Variants in ABCA4 observed in about 807,000 individuals in gnomAD.
The protein encoded by ABCA4 is ATP binding cassette subfamily A member 4.
A neutral mutation model predicts 263.7 loss-of-function variants in ABCA4; 196 were observed. The observed-to-expected ratio is 0.74, with a 90% CI of 0.66 to 0.84. ABCA4 has a LOEUF of 0.84. Among genes scored for constraint, ABCA4 ranks in the 40% least tolerant of loss-of-function variants. The pLI, the probability that ABCA4 is intolerant of heterozygous loss-of-function variation, is 0.00. For synonymous variants in ABCA4, 1,133 were observed against 1,094.2 expected, an observed-to-expected ratio of 1.04 and a Z score of -0.70; for missense variants, 2,792 against 2,855.1, an observed-to-expected ratio of 0.98 and a Z score of 0.50.
chr1:93,997,812 G>A, intron 48 of ABCA4, 49 bp downstream of exon 48: 1 of 1,612,340 alleles, frequency 6.2e-7, no homozygotes. Flanking sequence ...CACACTGGGT[G>A]TTCTGGACCA....
chr1:94,048,726 A>T (rs1443711190), intron 18 of ABCA4, 142 bp downstream of exon 18: 1 of 785,312 alleles, frequency 1.3e-6, no homozygotes. Context: ...CTGAGAAGGG[A>T]TCTGGTTTAA....
intron 1 of ABCA4, among the ~76,000 whole-genome samples, chr1:94,119,590 C>T (rs1018435744): frequency 3.3e-5 from 5 of 152,170 alleles, no homozygotes; most frequent in Admixed American, 2.0e-4. Flanking sequence ...CCTCCCAAGT[C>T]CTAATGTCAG....
At chr1:94,019,560 G>T in intron 36 of ABCA4, 22 bp downstream of exon 36, 1 of 1,582,436 alleles carries the variant, frequency 6.3e-7, no homozygotes, top group Non-Finnish European at 8.6e-7. Flanking sequence ...AGGGGAGGGA[G>T]GCGCTGTAAA....
chr1:94,046,262 G>C (rs1024094354), intron 19 of ABCA4, among the ~76,000 whole-genome samples: 5 of 136,356 alleles, frequency 3.7e-5, no homozygotes, highest in African/African-American at 1.3e-4. Context: ...GGCCAACATG[G>C]TGAAACCCTG....
At chr1:94,086,570 G>A (rs1453912315) in intron 6 of ABCA4, among the ~76,000 whole-genome samples, 1 of 151,682 alleles carries the variant, frequency 6.6e-6, no homozygotes, top group Non-Finnish European at 1.5e-5. Flanking sequence ...AGACAACGAA[G>A]TAGTAGCTGT....
At chr1:94,023,266 T>A in intron 32 of ABCA4, 120 bp downstream of exon 32, 6 of 819,268 alleles carry the variant, frequency 7.3e-6, no homozygotes, top group Non-Finnish European at 1.2e-5. Context: ...TCTTGTGACT[T>A]CCTGAGCACC....
chr1:94,041,116 G>A lies in ABCA4; in HGVS notation c.3522+93C>T, dbSNP rs989354389. ...ACAAAGACACTGATTCTGGTGGCGA[G>A]AGCCTGTGTGAGTAGCCATGTCTGG... On this transcript the variant is annotated intron_variant, in intron 23 of 49. Transcript: ENST00000370225. The A allele has an allele frequency of 1.8e-5, 24 of 1,304,258 alleles. No homozygotes were observed. In the African/African-American group the frequency reaches 3.5e-4, roughly 19 times the overall value. The allele number at this position is 1,304,258 out of a possible 1,614,324, so 80.8% of individuals were successfully genotyped here. A position where few individuals can be genotyped will look rare whatever the true frequency, so the allele number is the denominator to read the frequency against.
At chr1:94,058,259 C>T (rs1000776016) in intron 14 of ABCA4, among the ~76,000 whole-genome samples, 6 of 152,324 alleles carry the variant, frequency 3.9e-5, no homozygotes, top group East Asian at 3.9e-4. Flanking sequence ...GTCACCCACA[C>T]GCAGCTCCAT....
At chr1:94,044,584 G>T (rs201952510) in intron 20 of ABCA4, 29 bp downstream of exon 20, 1 of 1,614,164 alleles carries the variant, frequency 6.2e-7, no homozygotes, top group Non-Finnish European at 8.5e-7. Flanking sequence ...GAGAGGGGAT[G>T]GGGCGGTCTC....
At chr1:93,998,986 A>T (rs1398787690) in intron 47 of ABCA4, among the ~76,000 whole-genome samples, 1 of 151,048 alleles carries the variant, frequency 6.6e-6, no homozygotes, top group Non-Finnish European at 1.5e-5. Flanking sequence ...CCTGACCTCA[A>T]GTGATCCGCC....
At chr1:94,016,613 G>T (rs1659754481) in intron 36 of ABCA4, among the ~76,000 whole-genome samples, 1 of 152,166 alleles carries the variant, frequency 6.6e-6, no homozygotes, top group Non-Finnish European at 1.5e-5. Context: ...CACTGTTGGA[G>T]AAGGGAGTTA....
At chr1:94,102,929 A>C in intron 5 of ABCA4, 86 bp downstream of exon 5, 3 of 1,577,312 alleles carry the variant, frequency 1.9e-6, no homozygotes, top group Non-Finnish European at 2.6e-6. Context: ...GGAAGAAAGA[A>C]GAAAAAAGCC....
chr1:94,046,445 G>GAA (rs1553191016), intron 19 of ABCA4, among the ~76,000 whole-genome samples: 5 of 16,472 alleles, frequency 3.0e-4, no homozygotes, highest in Non-Finnish European at 1.3e-3. Context: ...ATGGGTAATG[G>GAA]TTACTATCTC....
In ABCA4 at chr1:94,063,143, C is replaced by G; in HGVS notation, c.1729G>C (p.Val577Leu). Residue 577 changes from valine (V) to leucine (L), a missense_variant, in exon 12 of 50, where the codon GTG becomes CTG. Transcript: ENST00000370225. ...VKYKIRMDID[V>L]VEKTNKIKDR... Reference sequence around the variant, plus strand: ...TTAATCTTATTGGTTTTCTCCACCACGTCTATGTCCATTCGGATCTTATAC... The same window carrying G: ...TTAATCTTATTGGTTTTCTCCACCAGGTCTATGTCCATTCGGATCTTATAC... 6.2e-7 allele frequency: 1 copy of G among 1,614,124 alleles called. No individual in the cohort carries two copies. The highest frequency in any genetic ancestry group is 8.5e-7 in the Non-Finnish European group (1 of 1,180,024).
intron 11 of ABCA4, among the ~76,000 whole-genome samples, chr1:94,065,059 T>A (rs2101081878): frequency 6.6e-6 from 1 of 152,162 alleles, no homozygotes; most frequent in African/African-American, 2.4e-5. Flanking sequence ...AAACTGAGCT[T>A]TATAAAGTAT....
chr1:94,044,208 G>GA (rs1389550531), intron 20 of ABCA4, among the ~76,000 whole-genome samples: 1 of 151,674 alleles, frequency 6.6e-6, no homozygotes, highest in African/African-American at 2.4e-5. Context: ...TCTTATTGGG[G>GA]AAAAAAAGTA....
At chr1:94,077,092 A>C (rs1000177041) in intron 11 of ABCA4, among the ~76,000 whole-genome samples, 1 of 152,222 alleles carries the variant, frequency 6.6e-6, no homozygotes, top group Non-Finnish European at 1.5e-5. Flanking sequence ...GTGTAAAAGC[A>C]GTTGGCACAG....
intron 21 of ABCA4, among the ~76,000 whole-genome samples, 195 bp from the exon 22 acceptor site, chr1:94,043,093 G>C (rs1184484841): frequency 1.3e-5 from 2 of 152,202 alleles, no homozygotes; most frequent in Non-Finnish European, 2.9e-5. Context: ...CACCTCCTCG[G>C]ATCAGACCCT....
chr1:94,014,776 C>T (rs1659676889), intron 37 of ABCA4, 86 bp from the exon 38 acceptor site: 2 of 1,545,398 alleles, frequency 1.3e-6, no homozygotes, highest in Admixed American at 3.3e-5. Flanking sequence ...ACTCCCCTTA[C>T]ACCTGAGGTG....
Sources: gnomAD v4.1 joint callset for allele counts (sites outside exome capture counted in the v4.1 genomes callset) on GRCh38, gnomAD v4.1.1 for gene constraint, MANE v1.5 for transcripts, NCBI Gene and HGNC (gene_info 2026-07-23, HGNC 2026-07-21) for gene names.